The following FSD1 variants were observed in gnomAD, a reference collection of about 807,000 sequenced individuals.
FSD1 encodes the protein fibronectin type III and SPRY domain-containing protein 1.
Under a neutral mutation model 58.2 loss-of-function variants are expected in FSD1, and 23 were observed. The ratio of observed to expected loss-of-function variants is 0.40; its 90% confidence interval spans 0.28 to 0.56. The LOEUF is 0.56. Among genes scored for constraint, FSD1 ranks in the 20% least tolerant of loss-of-function variants. The probability of loss-of-function intolerance (pLI) is 0.54; values close to 1 mark genes in which losing one functional copy is unlikely to be tolerated. For missense variants in FSD1, 563 were observed against 670.8 expected (o/e 0.84, Z 1.78); for synonymous variants, 265 against 263.4 (o/e 1.01, Z -0.06).
Position 4,323,121 on chromosome 19 carries a change from G to A in FSD1, c.1175G>A (p.Cys392Tyr). ...EQLGKTAASW[C>Y]LHVNNWLQVS... ...CTGGGCAAGACGGCCGCCTCCTGGT[G>A]CCTGCACGTCAACAATTGGCTGCAG... Residue 392 changes from cysteine (C) to tyrosine (Y), a missense_variant, in exon 11 of 13, where the codon TGC (cysteine) becomes TAC (tyrosine). Coordinates refer to ENST00000221856, the MANE Select transcript of FSD1 (RefSeq NM_024333.3). The surrounding 1 kb of genome is among the most constrained non-coding windows in gnomAD (Gnocchi z 7.7). The A allele has an allele frequency of 1.9e-6, 3 of 1,607,006 alleles. No homozygotes were observed. Among genetic ancestry groups the A allele is most frequent in the Non-Finnish European group, 2.5e-6 (3 of 1,179,760 alleles).
chr19:4,310,007 C>T (rs1971670811), intron 4 of FSD1, among the ~76,000 whole-genome samples: 1 of 151,744 alleles, frequency 6.6e-6, no homozygotes, highest in Admixed American at 6.6e-5. Context: ...GCAGGCGGAT[C>T]ACCTGAGGTC....
In FSD1 at chr19:4,311,864, C is replaced by T. The variant is rs776308505; in HGVS notation, c.513C>T (p.Asp171=). The change falls in exon 7 of 13, where the codon GAC becomes GAT. Residue 171 remains aspartate (D), a synonymous_variant. Coordinates refer to ENST00000221856, the MANE Select transcript of FSD1 (RefSeq NM_024333.3). ...FLPVPSAPVI[D]LAESLVADNC... ...CAGTGCCCAGCGCACCCGTGATCGA[C>T]CTGGCTGAGTCCCTGGTGGCAGATA... 1.2e-6 allele frequency: 2 copies of T among 1,614,180 alleles called. No homozygotes were observed. Among genetic ancestry groups the T allele is most frequent in the Admixed American group, 3.3e-5 (2 of 60,022 alleles).
intron 7 of FSD1, among the ~76,000 whole-genome samples, chr19:4,312,730 G>C (rs1385151526): frequency 6.6e-6 from 1 of 151,700 alleles, no homozygotes; most frequent in Non-Finnish European, 1.5e-5. Flanking sequence ...GCGTGAACTC[G>C]GGAGGCGGAG....
chr19:4,307,855 C>G, intron 3 of FSD1, 27 bp from the exon 4 acceptor site: 1 of 1,584,486 alleles, frequency 6.3e-7, no homozygotes, highest in Non-Finnish European at 8.6e-7. Context: ...GTGAGTTGTC[C>G]CCTCCTTTGG....
chr19:4,310,321 C>G (rs1884787220), intron 5 of FSD1, 26 bp downstream of exon 5: 1 of 1,613,374 alleles, frequency 6.2e-7, no homozygotes, highest in African/African-American at 1.3e-5. Flanking sequence ...CTGGCCCCCA[C>G]CCCACTACCC....
At position 4,323,151 on chromosome 19, in the gene FSD1, G is replaced by C. The variant is rs746580293; in HGVS notation, c.1205G>C (p.Ser402Thr). ...CLHVNNWLQVSFTAKHANKVK... is the reference protein window; with the variant it reads ...CLHVNNWLQVTFTAKHANKVK... ...CACGTCAACAATTGGCTGCAGGTCA[G>C]CTTCACGGCCAAGCACGCCAACAAG... The change falls in exon 11 of 13, where the codon AGC (serine) becomes ACC (threonine). Residue 402 changes from serine (S) to threonine (T), a missense_variant. Ser to Thr is a moderately conservative substitution (Grantham distance 58). Transcript: ENST00000221856. This position sits in a 1 kb window ranked among gnomAD's most constrained non-coding sequence, Gnocchi z 7.7. The C allele has an allele frequency of 3.7e-6, 6 of 1,605,234 alleles. No homozygotes were observed. Among genetic ancestry groups the C allele is most frequent in the Non-Finnish European group, 5.1e-6 (6 of 1,179,788 alleles).
chr19:4,309,777 C>T (rs949947718), intron 4 of FSD1, among the ~76,000 whole-genome samples: 13 of 151,704 alleles, frequency 8.6e-5, no homozygotes, highest in South Asian at 2.1e-4. Flanking sequence ...GGTGTGGTGG[C>T]GGGCGCCTGT....
rs575112418 is a variant in FSD1, at chr19:4,317,333, A to G, written c.799+53A>G. 7.4e-6 allele frequency: 8 copies of G among 1,077,224 alleles called. No homozygotes were observed. In the East Asian group the frequency reaches 1.7e-4, roughly 22 times the overall value. 66.7% of individuals were successfully genotyped at this position (1,077,224 alleles called of 1,614,324 possible). A position where few individuals can be genotyped will look rare whatever the true frequency, so the allele number is the denominator to read the frequency against. ...CCTAACTCCATGGCCCCTTCCTCCCACAGCCCCCAGAGACCATGAGAATCC... is the reference window on the plus strand; with the variant it reads ...CCTAACTCCATGGCCCCTTCCTCCCGCAGCCCCCAGAGACCATGAGAATCC... On this transcript the variant is annotated intron_variant, in intron 8 of 12. Coordinates refer to ENST00000221856, the MANE Select transcript of FSD1 (RefSeq NM_024333.3).
chr19:4,321,132 G>A (rs1971811706), intron 10 of FSD1, among the ~76,000 whole-genome samples: 1 of 150,142 alleles, frequency 6.7e-6, no homozygotes, highest in South Asian at 2.1e-4. Context: ...TACCTGGAGG[G>A]GAATAGCTGG....
intron 7 of FSD1, among the ~76,000 whole-genome samples, chr19:4,314,834 C>CT: frequency 6.6e-6 from 1 of 152,332 alleles, no homozygotes; most frequent in South Asian, 2.1e-4. Flanking sequence ...ACACAGTTTT[C>CT]TCCCATGTGT....
At position 4,310,609 on chromosome 19, in the gene FSD1, C is replaced by T. The variant is rs377103581; in HGVS notation, c.490+13C>T. The T allele has an allele frequency of 1.2e-4, 188 of 1,610,006 alleles. No individual in the cohort carries two copies. Among genetic ancestry groups the T allele is most frequent in the Non-Finnish European group, 1.4e-4 (169 of 1,179,072 alleles). On this transcript the variant is annotated intron_variant, in intron 6 of 12. Transcript: ENST00000221856. ...AAGTTCCTGCCTGGTGAGAGGGGCA[C>T]GCACTAGAGGGCCAGGACTTCCGGG...
At chr19:4,322,364 G>A (rs957250395) in intron 10 of FSD1, among the ~76,000 whole-genome samples, 4 of 151,410 alleles carry the variant, frequency 2.6e-5, no homozygotes, top group Admixed American at 1.3e-4. Context: ...CTGGGATCCC[G>A]AGGAGTATCT....
chr19:4,317,427 G>A, intron 8 of FSD1, 147 bp downstream of exon 8: 2 of 610,178 alleles, frequency 3.3e-6, no homozygotes, highest in East Asian at 2.8e-5. Context: ...CTTAGCCTGA[G>A]TGTCTGCTAT....
intron 3 of FSD1, 112 bp downstream of exon 3, chr19:4,306,441 C>G (rs545444732): frequency 4.0e-6 from 4 of 992,140 alleles, no homozygotes; most frequent in Non-Finnish European, 6.1e-6. Context: ...TGATCTCTCC[C>G]CTGACCCCTC....
intron 7 of FSD1, among the ~76,000 whole-genome samples, chr19:4,312,996 A>C (rs529687053): frequency 1.6e-4 from 25 of 151,790 alleles, no homozygotes; most frequent in Admixed American, 1.6e-3. Context: ...TTTCCCTCCT[A>C]GAGCTGGCGT....
chr19:4,311,114 G>C (rs1298432442), intron 6 of FSD1: 1 of 156,824 alleles, frequency 6.4e-6, no homozygotes, highest in African/African-American at 2.4e-5. Context: ...CATGTCGTTG[G>C]GGGAGTGGAG....
chr19:4,318,154 T>G (rs1482077377), intron 8 of FSD1, among the ~76,000 whole-genome samples, 192 bp from the exon 9 acceptor site: 1 of 151,688 alleles, frequency 6.6e-6, no homozygotes, highest in South Asian at 2.1e-4. Flanking sequence ...TCCTTCTGCT[T>G]GTCCATCTCT....
At chr19:4,311,199 C>A (rs1019832713) in intron 6 of FSD1, 6 of 155,410 alleles carry the variant, frequency 3.9e-5, no homozygotes, top group African/African-American at 1.4e-4. Flanking sequence ...TGGGAAAACC[C>A]TGTTTCCAGG....
At chr19:4,310,208 G>C (rs1012798681) in intron 4 of FSD1, 65 bp from the exon 5 acceptor site, 8 of 1,586,280 alleles carry the variant, frequency 5.0e-6, no homozygotes, top group Non-Finnish European at 6.9e-6. Context: ...CTGGGCAACA[G>C]AGCAAGACTC....
Sources: gnomAD v4.1 joint callset for allele counts (sites outside exome capture counted in the v4.1 genomes callset) on GRCh38, gnomAD v4.1.1 for gene constraint, Gnocchi (gnomAD v3.1) non-coding constraint, MANE v1.5 for transcripts, NCBI Gene and HGNC (gene_info 2026-07-23, HGNC 2026-07-21) for gene names.